ROBO1: variants seen among roughly 807,000 people sequenced by gnomAD.
The protein encoded by ROBO1 is roundabout guidance receptor 1.
In ROBO1, 149 loss-of-function variants were observed where a neutral mutation model predicts 195.9. The observed-to-expected ratio is 0.76, with a 90% CI of 0.67 to 0.87. The LOEUF (loss-of-function observed/expected upper bound fraction) is 0.87. Among genes scored for constraint, ROBO1 ranks in the 40% least tolerant of loss-of-function variants. ROBO1 has a pLI of 0.00. For missense variants in ROBO1, 1,933 were observed against 2,068.3 expected, an observed-to-expected ratio of 0.93 and a Z score of 1.27; for synonymous variants, 816 against 733.2, an observed-to-expected ratio of 1.11 and a Z score of -1.82.
chr3:79,744,342 G>A (rs1703779446), intron 1 of ROBO1, among the ~76,000 whole-genome samples: 1 of 151,916 alleles, frequency 6.6e-6, no homozygotes, highest in Non-Finnish European at 1.5e-5. Flanking sequence ...TGAGGTACTG[G>A]GTGTGAAAAA....
chr3:79,749,312 C>T (rs1294156747), intron 1 of ROBO1, among the ~76,000 whole-genome samples: 1 of 152,140 alleles, frequency 6.6e-6, no homozygotes, highest in African/African-American at 2.4e-5. Context: ...GATATGGGTG[C>T]TGTTAAAAGC....
intron 3 of ROBO1, among the ~76,000 whole-genome samples, chr3:79,022,091 A>T (rs1057414620): frequency 2.6e-5 from 4 of 152,216 alleles, no homozygotes; most frequent in African/African-American, 9.6e-5. Context: ...GTCTCATCCA[A>T]AGTGTATCTA....
intron 4 of ROBO1, among the ~76,000 whole-genome samples, chr3:78,808,826 C>T (rs1378423606): frequency 6.6e-6 from 1 of 152,056 alleles, no homozygotes; most frequent in Non-Finnish European, 1.5e-5. Context: ...CCCTTCCTTA[C>T]ACCTTATACA....
At chr3:79,452,909 C>G (rs201843933) in intron 2 of ROBO1, among the ~76,000 whole-genome samples, 1 of 151,582 alleles carries the variant, frequency 6.6e-6, no homozygotes, top group Non-Finnish European at 1.5e-5. Flanking sequence ...CTGTGGTTTT[C>G]TAGAATCTTG....
At chr3:79,194,122 T>C (rs770105709) in intron 2 of ROBO1, among the ~76,000 whole-genome samples, 4 of 151,764 alleles carry the variant, frequency 2.6e-5, no homozygotes, top group Non-Finnish European at 4.4e-5. Flanking sequence ...AATCCTAATC[T>C]GGAAAGTAAA....
chr3:79,257,661 T>A (rs868114965), intron 2 of ROBO1, among the ~76,000 whole-genome samples: 1 of 152,116 alleles, frequency 6.6e-6, no homozygotes, highest in African/African-American at 2.4e-5. Context: ...AGGGGGAACA[T>A]TACTTTCATT....
chr3:79,141,002 A>G (rs1559688959), intron 2 of ROBO1, among the ~76,000 whole-genome samples: 1 of 152,310 alleles, frequency 6.6e-6, no homozygotes, highest in East Asian at 1.9e-4. Context: ...ATTTCCTAAG[A>G]AAAATAAAAC....
intron 3 of ROBO1, among the ~76,000 whole-genome samples, chr3:79,124,735 G>A (rs2080183335): frequency 6.6e-6 from 1 of 152,122 alleles, no homozygotes; most frequent in Non-Finnish European, 1.5e-5. Flanking sequence ...GTGATGTCTT[G>A]TATTCCTTCT....
intron 1 of ROBO1, among the ~76,000 whole-genome samples, chr3:79,590,680 A>G (rs1576079975): frequency 1.3e-5 from 2 of 151,900 alleles, no homozygotes; most frequent in African/African-American, 2.4e-5. Context: ...TTGAGATATG[A>G]GATAATATCC....
At chr3:79,034,644 G>A (rs1444115483) in intron 3 of ROBO1, among the ~76,000 whole-genome samples, 4 of 152,018 alleles carry the variant, frequency 2.6e-5, no homozygotes, top group East Asian at 1.9e-4. Context: ...CTTAACAATG[G>A]TATGTTATTA....
At chr3:79,161,348 T>C (rs986028208) in intron 2 of ROBO1, among the ~76,000 whole-genome samples, 1 of 151,178 alleles carries the variant, frequency 6.6e-6, no homozygotes, top group African/African-American at 2.4e-5. Flanking sequence ...GTTGATGTAT[T>C]TGATATAAGT....
chr3:78,832,016 T>TATATGAGATTAATAAAGGG (rs71127363), intron 4 of ROBO1, among the ~76,000 whole-genome samples: 1 of 151,884 alleles, frequency 6.6e-6, no homozygotes, highest in African/African-American at 2.4e-5. Flanking sequence ...ATATCAGGTA[T>TATATGAGATTAATAAAGGG]GAGGAAATGA....
At position 79,568,308 on chromosome 3, in the gene ROBO1, C is replaced by A. The variant is rs1415395487; in HGVS notation, c.88+21516G>T. The stretch of plus-strand genomic sequence containing the variant: ...TCTATAGAGTACCCTTATAAAGGGG[C>A]AAAAGGAAAATTGATTTGAATGTCT... On this transcript the variant is annotated intron_variant, in intron 2 of 30. Transcript: ENST00000464233. Among the ~76,000 whole-genome samples the A allele has an allele frequency of 2.0e-5, 3 of 152,016 alleles. No homozygotes were observed. In the South Asian group the frequency reaches 6.2e-4, roughly 31 times the overall value.
At position 78,853,900 on chromosome 3, in the gene ROBO1, G is replaced by A. The variant is rs372435830; in HGVS notation, c.499+84701C>T. Among the ~76,000 whole-genome samples the A allele has an allele frequency of 8.5e-5, 13 of 152,138 alleles. No individual in the cohort carries two copies. The East Asian group carries it at 2.3e-3, about 27-fold the overall frequency. On this transcript the variant is annotated intron_variant, in intron 4 of 30. Transcript: ENST00000464233. ...CATATAAAACCATCAGATCTCATGA[G>A]ACTTATTCACTACCAGGTCAACAGT...
At chr3:78,899,677 T>G (rs1446182453) in intron 4 of ROBO1, among the ~76,000 whole-genome samples, 1 of 152,178 alleles carries the variant, frequency 6.6e-6, no homozygotes, top group Non-Finnish European at 1.5e-5. Context: ...TTCTTTCATT[T>G]AGATGGTAGG....
At chr3:78,812,120 A>T (rs1415106454) in intron 4 of ROBO1, among the ~76,000 whole-genome samples, 1 of 152,082 alleles carries the variant, frequency 6.6e-6, no homozygotes, top group African/African-American at 2.4e-5. Flanking sequence ...CATGCATCTA[A>T]ATCAAGAGTG....
rs545967724 is a variant in ROBO1, at chr3:79,100,267, T to C, written c.172+25189A>G. Reference sequence around the variant, plus strand: ...TTAACTGCCAGTCACTGTACTGTAATGTGATGGTAGTTTACATTTTGAGAT... The same window carrying C: ...TTAACTGCCAGTCACTGTACTGTAACGTGATGGTAGTTTACATTTTGAGAT... On this transcript the variant is annotated intron_variant, in intron 3 of 30. Transcript: ENST00000464233. 1.1e-4 allele frequency among the ~76,000 whole-genome samples: 16 copies of C among 151,962 alleles called. No individual in the cohort carries two copies. In the East Asian group the frequency reaches 2.7e-3, roughly 26 times the overall value.
intron 3 of ROBO1, among the ~76,000 whole-genome samples, chr3:78,945,447 C>A (rs181548648): frequency 2.2e-4 from 34 of 152,256 alleles, no homozygotes; most frequent in Middle Eastern, 3.4e-3. Flanking sequence ...AACAGACCTG[C>A]AGCTGAGGGT....
chr3:79,366,160 C>A (rs2035969647), intron 2 of ROBO1, among the ~76,000 whole-genome samples: 1 of 152,070 alleles, frequency 6.6e-6, no homozygotes, highest in East Asian at 1.9e-4. Flanking sequence ...AGTTTTCTTA[C>A]CTGTACAATG....
Sources: gnomAD v4.1 joint callset for allele counts (sites outside exome capture counted in the v4.1 genomes callset) on GRCh38, gnomAD v4.1.1 for gene constraint, MANE v1.5 for transcripts, NCBI Gene and HGNC (gene_info 2026-07-23, HGNC 2026-07-21) for gene names.